C3orf62: variants seen among roughly 807,000 people sequenced by gnomAD.
C3orf62 encodes chromosome 3 open reading frame 62, also known as uncharacterized protein C3orf62.
C3orf62 carries 16 observed loss-of-function variants against 21.7 expected under a neutral mutation model. That is an observed-to-expected ratio of 0.74 (90% confidence interval 0.50 to 1.12). C3orf62 has a LOEUF of 1.12. Ranked by LOEUF, C3orf62 falls within the 50% of genes most tolerant of loss-of-function variation. C3orf62 has a pLI of 0.00. For synonymous variants in C3orf62, 114 were observed against 117.0 expected (o/e 0.97, Z 0.17); for missense variants, 310 against 318.8 (o/e 0.97, Z 0.21).
chr3:49,271,919 A>C (rs953271565), intron 2 of C3orf62, among the ~76,000 whole-genome samples: 2 of 148,270 alleles, frequency 1.3e-5, no homozygotes, highest in African/African-American at 2.6e-5. Context: ...TCAAAAAAAA[A>C]AAAAACAAAA....
Position 49,274,092 on chromosome 3 carries a change from G to A in C3orf62, c.495C>T (p.Asn165=). The part of the protein sequence containing the change: ...DLKADSNMPL[N]NSSQEVTKDL... ...CCTTTGTGACCTCTTGGCTAGAATT[G>A]TTGAGTGGCATGTTTGAGTCAGCCT... Residue 165 remains asparagine (N), a synonymous_variant, in exon 2 of 3, where the codon AAC becomes AAT. Transcript: ENST00000343010. The A allele has an allele frequency of 1.2e-6, 2 of 1,614,134 alleles. No homozygotes were observed. The highest frequency in any genetic ancestry group is 1.7e-6 in the Non-Finnish European group (2 of 1,179,970).
chr3:49,276,784 C>G lies in C3orf62; in HGVS notation c.89G>C (p.Arg30Pro). 6.2e-7 allele frequency: 1 copy of G among 1,614,166 alleles called. No homozygotes were observed. Among genetic ancestry groups the G allele is most frequent in the Non-Finnish European group, 8.5e-7 (1 of 1,180,026 alleles). ...GGAATAACTAACTCCTTCAAAGGCC[C>G]GGTCAATGGCTGCAGTCAGTTCCTT... ...CRKELTAAID[R>P]AFEGVSYSQE... Residue 30 changes from arginine to proline, a missense_variant, in exon 1 of 3, where the codon CGG becomes CCG. Physicochemically the swap from Arg to Pro is moderately radical, Grantham distance 103. Coordinates refer to ENST00000343010, the MANE Select transcript of C3orf62 (RefSeq NM_198562.3).
At position 49,271,193 on chromosome 3, in the gene C3orf62, TA is replaced by T; in HGVS notation, c.790del (p.Tyr264ThrfsTer49). On this transcript the variant is annotated frameshift_variant, in exon 3 of 3. Coordinates refer to ENST00000343010, the MANE Select transcript of C3orf62 (RefSeq NM_198562.3). LOFTEE classifies it high-confidence loss of function. ...EDYNVMTSFKYQIE is the reference protein window; with the variant it reads ...EDYNVMTSFKXQIE ...AGATAACTGTCCTTACTCAATTTGG[TA>T]TTTAAAAGACGTCATCACATTGTAG... 6.2e-7 allele frequency: 1 copy of T among 1,612,174 alleles called. No individual in the cohort carries two copies. The highest frequency in any genetic ancestry group is 1.3e-5 in the African/African-American group (1 of 75,016).
intron 2 of C3orf62, among the ~76,000 whole-genome samples, chr3:49,272,009 C>T (rs1166331650): frequency 6.6e-6 from 1 of 151,856 alleles, no homozygotes; most frequent in Non-Finnish European, 1.5e-5. Flanking sequence ...CTTCAGTTTA[C>T]CTCCTGGGGC....
Position 49,276,924 on chromosome 3 carries a change from C to A in C3orf62, c.-52G>T. ...TGTTACAAATGAGGCTGCAAACTAC[C>A]CCTGAATGGCCACGATTTCCTGGAG... is the stretch of plus-strand genomic sequence containing the variant. On this transcript the variant is annotated 5_prime_UTR_variant, in exon 1 of 3. Coordinates refer to ENST00000343010, the MANE Select transcript of C3orf62 (RefSeq NM_198562.3). The A allele has an allele frequency of 6.4e-7, 1 of 1,556,922 alleles. No homozygotes were observed. The highest frequency in any genetic ancestry group is 8.7e-7 in the Non-Finnish European group (1 of 1,152,836).
intron 1 of C3orf62, among the ~76,000 whole-genome samples, chr3:49,275,376 C>T (rs1415270089): frequency 6.6e-6 from 1 of 152,004 alleles, no homozygotes; most frequent in Non-Finnish European, 1.5e-5. Context: ...CGTGCCACCA[C>T]ACCCGGCAAG....
In C3orf62 at chr3:49,268,775, T is replaced by G. The variant is rs1029489972; in HGVS notation, c.*2405A>C. ...TTTTTCATGACCTCAACAGTCTTTT[T>G]TTTTCTTTTTGAGGTGGAGTCTTGC... On this transcript the variant is annotated 3_prime_UTR_variant, in exon 3 of 3. Coordinates refer to ENST00000343010, the MANE Select transcript of C3orf62 (RefSeq NM_198562.3). 2 of 152,148 alleles carry G rather than the reference T, an allele frequency of 1.3e-5. No individual in the cohort carries two copies. Among genetic ancestry groups the G allele is most frequent in the African/African-American group, 4.8e-5 (2 of 41,420 alleles). 9.4% of individuals were successfully genotyped at this position (152,148 alleles called of 1,614,324 possible).
rs1187150330 is a variant in C3orf62, at chr3:49,277,193, G to A, written c.-321C>T. 4.0e-5 allele frequency: 55 copies of A among 1,359,048 alleles called. No homozygotes were observed. The highest frequency in any genetic ancestry group is 5.2e-5 in the Non-Finnish European group (54 of 1,034,050). The allele number at this position is 1,359,048 out of a possible 1,614,324, so 84.2% of individuals were successfully genotyped here. On this transcript the variant is annotated 5_prime_UTR_variant, in exon 1 of 3. Transcript: ENST00000343010. ...CCACGTCCTTGTCCTCACCCGCAGC[G>A]CAGTGACGCCGACCCATCCAACGGT...
At position 49,274,136 on chromosome 3, in the gene C3orf62, C is replaced by G. The variant is rs1278357089; in HGVS notation, c.451G>C (p.Asp151His). Residue 151 changes from aspartate (D) to histidine (H), a missense_variant, in exon 2 of 3, where the codon GAT becomes CAT. Coordinates refer to ENST00000343010, the MANE Select transcript of C3orf62 (RefSeq NM_198562.3). ...TCAGCCTTCAAATCTCTCTCCATAT[C>G]TTTCCTGCAGCCCCCAGGTGGGGGG... ...ENWRKENLRK[D>H]MERDLKADSN... 3.1e-6 allele frequency: 5 copies of G among 1,613,260 alleles called. No homozygotes were observed. Among genetic ancestry groups the G allele is most frequent in the Admixed American group, 1.7e-5 (1 of 60,004 alleles).
At chr3:49,272,953 G>A (rs1429947647) in intron 2 of C3orf62, among the ~76,000 whole-genome samples, 1 of 152,070 alleles carries the variant, frequency 6.6e-6, no homozygotes, top group Non-Finnish European at 1.5e-5. Context: ...CCATGTCCTA[G>A]TGGCCACCAT....
rs552153672 is a variant in C3orf62 at position 49,275,165 on chromosome 3, G to A, written c.447-1025C>T. Among the ~76,000 whole-genome samples, 8 of 151,752 alleles carry A rather than the reference G, an allele frequency of 5.3e-5. No homozygotes were observed. The South Asian group carries it at 1.5e-3, about 28-fold the overall frequency. The stretch of plus-strand genomic sequence containing the variant: ...GTCTTGCTCTGTTGCCCAGGCTGGA[G>A]TGCCATGGCAAGATCTCAGCTCACT... On this transcript the variant is annotated intron_variant, in intron 1 of 2. Transcript: ENST00000343010.
chr3:49,269,378 A>T lies in C3orf62; in HGVS notation c.*1802T>A, dbSNP rs932617160. ...GGGGTAAGGACAGGAATTAAGCTCC[A>T]CCTCGTCTATAGAAGAGTGTCCACA... On this transcript the variant is annotated 3_prime_UTR_variant, in exon 3 of 3. Coordinates refer to ENST00000343010, the MANE Select transcript of C3orf62 (RefSeq NM_198562.3). The T allele has an allele frequency of 2.0e-5, 3 of 152,174 alleles. No homozygotes were observed. The highest frequency in any genetic ancestry group is 2.9e-5 in the Non-Finnish European group (2 of 68,040). 9.4% of individuals were successfully genotyped at this position (152,174 alleles called of 1,614,324 possible).
At chr3:49,274,762 G>A (rs1446296497) in intron 1 of C3orf62, among the ~76,000 whole-genome samples, 1 of 151,692 alleles carries the variant, frequency 6.6e-6, no homozygotes, top group East Asian at 1.9e-4. Flanking sequence ...CTGACCTCAG[G>A]TGATCTGCCC....
At position 49,270,038 on chromosome 3, in the gene C3orf62, G is replaced by C. The variant is rs2046904300; in HGVS notation, c.*1142C>G. 6.6e-6 allele frequency: 1 copy of C among 152,224 alleles called. No individual in the cohort carries two copies. Among genetic ancestry groups the C allele is most frequent in the Non-Finnish European group, 1.5e-5 (1 of 68,044 alleles). 9.4% of individuals were successfully genotyped at this position (152,224 alleles called of 1,614,324 possible). A position where few individuals can be genotyped will look rare whatever the true frequency, so the allele number is the denominator to read the frequency against. On this transcript the variant is annotated 3_prime_UTR_variant, in exon 3 of 3. Transcript: ENST00000343010. ...AACAGCCCTGGCTGGTCCAAAGGTA[G>C]TGAGTTATCTCAATCGACTACTCAC...
Position 49,269,978 on chromosome 3 carries a change from C to T in C3orf62, c.*1202G>A, listed in dbSNP as rs551427045. 2.0e-5 allele frequency: 3 copies of T among 152,366 alleles called. No individual in the cohort carries two copies. The East Asian group carries it at 5.8e-4, about 29-fold the overall frequency. 9.4% of individuals were successfully genotyped at this position (152,366 alleles called of 1,614,324 possible). ...CAGCTGTTAGTTAGGCCTTTCTCCC[C>T]AACTCTTTGGTTTGTTCGGGCTTTA... On this transcript the variant is annotated 3_prime_UTR_variant, in exon 3 of 3. Transcript: ENST00000343010.
In C3orf62 at chr3:49,271,417, T is replaced by G. The variant is rs2046911150; in HGVS notation, c.567A>C (p.Glu189Asp). 1 of 1,614,176 alleles carries G rather than the reference T, an allele frequency of 6.2e-7. No homozygotes were observed. The highest frequency in any genetic ancestry group is 8.5e-7 in the Non-Finnish European group (1 of 1,180,004). ...TTTCAAATTCTATTTTTCCAGCCAA[T>G]TCTTCAATAGTTCGGATGCTTGTAT... ...IDHTSIRTIE[E>D]LAGKIEFENE... Residue 189 changes from glutamate (E) to aspartate (D), a missense_variant, in exon 3 of 3, where the codon GAA (glutamate) becomes GAC (aspartate). By Grantham distance (45) the Glu-to-Asp change is conservative. Coordinates refer to ENST00000343010, the MANE Select transcript of C3orf62 (RefSeq NM_198562.3).
chr3:49,272,671 C>T (rs2046921916), intron 2 of C3orf62, among the ~76,000 whole-genome samples: 2 of 150,394 alleles, frequency 1.3e-5, no homozygotes, highest in South Asian at 2.1e-4. Flanking sequence ...CATGCCTCAG[C>T]CATCCAAGTG....
At position 49,271,399 on chromosome 3, in the gene C3orf62, T is replaced by C. The variant is rs747233422; in HGVS notation, c.585A>G (p.Glu195=). ...RTIEELAGKI[E]FENELNHMCG... The stretch of plus-strand genomic sequence containing the variant: ...ACATGTGGTTCAATTCGTTTTCAAA[T>C]TCTATTTTTCCAGCCAATTCTTCAA... Residue 195 remains glutamate (E), a synonymous_variant, in exon 3 of 3, where the codon GAA becomes GAG. Coordinates refer to ENST00000343010, the MANE Select transcript of C3orf62 (RefSeq NM_198562.3). The C allele has an allele frequency of 1.2e-6, 2 of 1,614,210 alleles. No individual in the cohort carries two copies. Among genetic ancestry groups the C allele is most frequent in the South Asian group, 2.2e-5 (2 of 91,090 alleles).
In C3orf62 at chr3:49,277,142, G is replaced by C; in HGVS notation, c.-270C>G. 1 of 1,449,434 alleles carries C rather than the reference G, an allele frequency of 6.9e-7. No individual in the cohort carries two copies. The highest frequency in any genetic ancestry group is 9.2e-7 in the Non-Finnish European group (1 of 1,091,354). 89.8% of individuals were successfully genotyped at this position (1,449,434 alleles called of 1,614,324 possible). A position where few individuals can be genotyped will look rare whatever the true frequency, so the allele number is the denominator to read the frequency against. On this transcript the variant is annotated 5_prime_UTR_variant, in exon 1 of 3. Transcript: ENST00000343010. ...GGCTCCCAGGCCGCTGGCCCTACCG[G>C]CACCCCCCCTTTGGCGAGTCGGCAG...
Sources: allele counts gnomAD v4.1 joint callset (sites outside exome capture counted in the v4.1 genomes callset), GRCh38; gene constraint gnomAD v4.1.1; transcripts MANE v1.5; gene names NCBI Gene and HGNC (gene_info 2026-07-23, HGNC 2026-07-21).